A1CF: variants seen among roughly 807,000 people sequenced by gnomAD.
A1CF encodes APOBEC-1 stimulating protein.
A neutral mutation model predicts 68.9 loss-of-function variants in A1CF; 48 were observed. The observed-to-expected ratio is 0.70, with a 90% confidence interval of 0.55 to 0.89. A1CF has a LOEUF of 0.89. Ranked by LOEUF, A1CF falls within the 40% of genes least tolerant of loss-of-function variation. The pLI is 0.00. For missense variants in A1CF, 653 were observed against 718.9 expected (o/e 0.91, Z 1.05); for synonymous variants, 272 against 260.4 (o/e 1.04, Z -0.43).
chr10:50,835,044 A>G (rs1839423636), intron 6 of A1CF, among the ~76,000 whole-genome samples: 1 of 152,174 alleles, frequency 6.6e-6, no homozygotes, highest in Non-Finnish European at 1.5e-5. Context: ...ACTTGACCAA[A>G]TGCTGGCCAG....
At chr10:50,859,732 T>C (rs61856591) in intron 3 of A1CF, 110 bp downstream of exon 3, 1 of 878,796 alleles carries the variant, frequency 1.1e-6, no homozygotes, top group Non-Finnish European at 1.8e-6. Context: ...GGGACATTTC[T>C]CTAAAGAGCT....
chr10:50,807,429 A>G (rs1265786158), intron 12 of A1CF, among the ~76,000 whole-genome samples: 13 of 152,186 alleles, frequency 8.5e-5, no homozygotes, highest in Admixed American at 7.2e-4. Context: ...GTGCTTTTCC[A>G]TAATACCTTA....
chr10:50,875,146 G>T (rs1328229366), intron 1 of A1CF, among the ~76,000 whole-genome samples: 5 of 152,144 alleles, frequency 3.3e-5, no homozygotes, highest in Non-Finnish European at 7.4e-5. Context: ...AAGACTACAT[G>T]AGAAAGGTAG....
intron 7 of A1CF, among the ~76,000 whole-genome samples, chr10:50,827,814 A>C (rs1436146175): frequency 2.0e-5 from 3 of 152,212 alleles, no homozygotes; most frequent in Admixed American, 6.5e-5. Flanking sequence ...AGATAGAGGC[A>C]CAAAAATCCT....
intron 1 of A1CF, among the ~76,000 whole-genome samples, chr10:50,869,165 C>T (rs146883554): frequency 2.0e-5 from 3 of 152,044 alleles, no homozygotes; most frequent in Non-Finnish European, 4.4e-5. Flanking sequence ...TTTAGTTCTG[C>T]CACCATGATT....
At chr10:50,841,772 TGGCATACA>T in intron 5 of A1CF, 82 bp downstream of exon 5, 1 of 1,484,432 alleles carries the variant, frequency 6.7e-7, no homozygotes, top group Admixed American at 2.3e-5. Flanking sequence ...GCTTTTTTTT[TGGCATACA>T]CCATATTAGA....
chr10:50,843,764 T>G (rs1839879052), intron 4 of A1CF, among the ~76,000 whole-genome samples: 1 of 152,120 alleles, frequency 6.6e-6, no homozygotes, highest in Non-Finnish European at 1.5e-5. Context: ...GATTTGACAG[T>G]CATTAGAAAT....
At chr10:50,831,883 G>C (rs1253150913) in intron 6 of A1CF, among the ~76,000 whole-genome samples, 2 of 151,946 alleles carry the variant, frequency 1.3e-5, no homozygotes, top group Non-Finnish European at 2.9e-5. Flanking sequence ...CCTCACACCT[G>C]GTAGAATGGC....
intron 1 of A1CF, among the ~76,000 whole-genome samples, chr10:50,864,292 G>C (rs893974590): frequency 9.9e-5 from 15 of 152,274 alleles, no homozygotes; most frequent in African/African-American, 3.6e-4. Context: ...CATTGCCCTA[G>C]GTTTGCTAAT....
At chr10:50,828,037 A>G (rs1215415549) in intron 7 of A1CF, 94 bp downstream of exon 7, 1 of 904,590 alleles carries the variant, frequency 1.1e-6, no homozygotes, top group Non-Finnish European at 1.6e-6. Context: ...AGAAATCTAG[A>G]AGAAATGGAC....
In A1CF at chr10:50,806,133, T is replaced by C. The variant is rs1837803423; in HGVS notation, c.*596A>G. On this transcript the variant is annotated 3_prime_UTR_variant, in exon 13 of 13. Coordinates refer to ENST00000373997, the MANE Select transcript of A1CF (RefSeq NM_014576.4). Reference sequence around the variant, plus strand: ...TGCAGGGGACAGGAAGATCCTGATCTGTGACAAATCGACTGGATGGAATTT... The same window carrying C: ...TGCAGGGGACAGGAAGATCCTGATCCGTGACAAATCGACTGGATGGAATTT... The C allele has an allele frequency of 6.6e-6, 1 of 152,272 alleles. No homozygotes were observed. The highest frequency in any genetic ancestry group is 2.1e-4 in the South Asian group (1 of 4,834). 9.4% of individuals were successfully genotyped at this position (152,272 alleles called of 1,614,324 possible). A position where few individuals can be genotyped will look rare whatever the true frequency, so the allele number is the denominator to read the frequency against.
intron 3 of A1CF, 84 bp from the exon 4 acceptor site, chr10:50,844,206 T>G: frequency 6.5e-7 from 1 of 1,541,018 alleles, no homozygotes. Context: ...TCAAAATAAT[T>G]TCACATTAAT....
intron 1 of A1CF, among the ~76,000 whole-genome samples, chr10:50,881,558 A>C (rs1212342747): frequency 6.6e-6 from 1 of 152,218 alleles, no homozygotes; most frequent in Non-Finnish European, 1.5e-5. Context: ...TATCCTATGG[A>C]AATAAGATAT....
chr10:50,807,721 A>G (rs901209714), intron 12 of A1CF, among the ~76,000 whole-genome samples: 29 of 152,356 alleles, frequency 1.9e-4, no homozygotes, highest in African/African-American at 6.3e-4. Flanking sequence ...TTAAAACCTG[A>G]GTATTTCTGA....
intron 5 of A1CF, among the ~76,000 whole-genome samples, chr10:50,839,311 T>C (rs1839664951): frequency 6.6e-6 from 1 of 152,244 alleles, no homozygotes; most frequent in Non-Finnish European, 1.5e-5. Flanking sequence ...AATACCGTTT[T>C]GGGAATAACC....
At position 50,839,589 on chromosome 10, in the gene A1CF, C is replaced by G. The variant is rs531386358; in HGVS notation, c.365+2273G>C. The stretch of plus-strand genomic sequence containing the variant: ...CCTACTGCAAACAATCCTCCACATA[C>G]TACACAAAGCTCTTTTGGGTCCATG... On this transcript the variant is annotated intron_variant, in intron 5 of 12. Coordinates refer to ENST00000373997, the MANE Select transcript of A1CF (RefSeq NM_014576.4). Among the ~76,000 whole-genome samples, 6 of 152,334 alleles carry G rather than the reference C, an allele frequency of 3.9e-5. No homozygotes were observed. The South Asian group carries it at 1.2e-3, about 32-fold the overall frequency.
At chr10:50,817,647 A>G (rs1838435437) in intron 8 of A1CF, among the ~76,000 whole-genome samples, 2 of 152,158 alleles carry the variant, frequency 1.3e-5, no homozygotes, top group South Asian at 2.1e-4. Flanking sequence ...AAGATTCTTT[A>G]TATCTTCAGT....
intron 7 of A1CF, among the ~76,000 whole-genome samples, chr10:50,824,692 T>C (rs1055111908): frequency 6.6e-6 from 1 of 152,050 alleles, no homozygotes; most frequent in African/African-American, 2.4e-5. Context: ...AATGAGTGAG[T>C]GAATGGAATA....
At chr10:50,865,883 T>C (rs1840968094) in intron 1 of A1CF, among the ~76,000 whole-genome samples, 1 of 152,240 alleles carries the variant, frequency 6.6e-6, no homozygotes, top group Non-Finnish European at 1.5e-5. Flanking sequence ...GGCTTACATG[T>C]CTAACTTTTT....
Sources: gnomAD v4.1 joint callset for allele counts (sites outside exome capture counted in the v4.1 genomes callset) on GRCh38, gnomAD v4.1.1 for gene constraint, MANE v1.5 for transcripts, NCBI Gene and HGNC (gene_info 2026-07-23, HGNC 2026-07-21) for gene names.